Variants in NSD2 observed in about 807,000 individuals in gnomAD.
The protein encoded by NSD2 is nuclear receptor binding SET domain protein 2.
NSD2 carries 12 observed loss-of-function variants against 139.0 expected under a neutral mutation model. That is an observed-to-expected ratio of 0.09 (90% CI 0.06 to 0.14). The LOEUF is 0.14. NSD2 is among the 10% of genes least tolerant of loss of function. The pLI is 1.00. For synonymous variants in NSD2, 669 were observed against 648.7 expected, an observed-to-expected ratio of 1.03 and a Z score of -0.48; for missense variants, 1,155 against 1,745.0, an observed-to-expected ratio of 0.66 and a Z score of 6.02.
chr4:1,885,620 G>A (rs1056923868), intron 1 of NSD2, among the ~76,000 whole-genome samples: 1 of 151,988 alleles, frequency 6.6e-6, no homozygotes, highest in Non-Finnish European at 1.5e-5. Context: ...TCATGCTGGA[G>A]TGTGGAGGCA....
At chr4:1,891,019 G>A (rs899738497) in intron 1 of NSD2, among the ~76,000 whole-genome samples, 9 of 151,800 alleles carry the variant, frequency 5.9e-5, no homozygotes, top group Non-Finnish European at 1.0e-4. Context: ...TCAGCTTCCC[G>A]CGTAGCTAAG....
chr4:1,946,353 C>T lies in NSD2; in HGVS notation c.1882-4719C>T, dbSNP rs187109025. ...CACAATCTCGGCTCACTGCAACCTC[C>T]GCCTCCTTGGTTCCAGCAATTCTTC... On this transcript the variant is annotated intron_variant, in intron 9 of 21. Transcript: ENST00000508803. The T allele has an allele frequency of 9.1e-4, 489 of 534,776 alleles. 2 individuals are homozygous for T. The highest frequency in any genetic ancestry group is 4.7e-3 in the African/African-American group (231 of 48,804). The allele number at this position is 534,776 out of a possible 1,614,324, so 33.1% of individuals were successfully genotyped here.
chr4:1,881,542 C>T (rs1577354108), intron 1 of NSD2, among the ~76,000 whole-genome samples: 2 of 152,160 alleles, frequency 1.3e-5, no homozygotes, highest in South Asian at 2.1e-4. Flanking sequence ...GGATTACAGG[C>T]GTGAGCCACC....
At chr4:1,945,046 A>G (rs1723477643) in intron 9 of NSD2, 1 of 1,065,984 alleles carries the variant, frequency 9.4e-7, no homozygotes, top group Non-Finnish European at 1.1e-6. Flanking sequence ...GTCCTTGGAC[A>G]GGAGTCGGGG....
intron 5 of NSD2, among the ~76,000 whole-genome samples, chr4:1,927,719 G>GAAAAA (rs1177170379): frequency 3.2e-4 from 6 of 18,912 alleles, no homozygotes; most frequent in Admixed American, 7.5e-4. Flanking sequence ...TCTTATCTCA[G>GAAAAA]AAAAAAAAAA....
chr4:1,922,883 G>A (rs936226712), intron 5 of NSD2, among the ~76,000 whole-genome samples: 1 of 152,218 alleles, frequency 6.6e-6, no homozygotes, highest in African/African-American at 2.4e-5. Flanking sequence ...CTGGGATTGT[G>A]CCATTGTACT....
At chr4:1,941,835 G>A (rs913846070) in intron 9 of NSD2, 18 of 1,052,068 alleles carry the variant, frequency 1.7e-5, no homozygotes, top group African/African-American at 5.0e-5. Flanking sequence ...ATATATTAAC[G>A]CGACTGAACT....
intron 18 of NSD2, among the ~76,000 whole-genome samples, chr4:1,968,992 A>C (rs1726160954): frequency 6.6e-6 from 1 of 152,250 alleles, no homozygotes; most frequent in Non-Finnish European, 1.5e-5. Flanking sequence ...AAACTGTGGG[A>C]CAAACAGACC....
intron 1 of NSD2, among the ~76,000 whole-genome samples, chr4:1,883,919 A>G (rs1214826473): frequency 6.6e-6 from 1 of 152,218 alleles, no homozygotes; most frequent in Non-Finnish European, 1.5e-5. Flanking sequence ...ACAGTAGCCT[A>G]GGATAGAGGC....
intron 1 of NSD2, among the ~76,000 whole-genome samples, chr4:1,876,763 T>C (rs1226059944): frequency 6.6e-6 from 1 of 152,090 alleles, no homozygotes; most frequent in African/African-American, 2.4e-5. Flanking sequence ...GCTTTTTTTT[T>C]CTGGAAGGAA....
intron 1 of NSD2, chr4:1,892,635 G>A (rs932514164): frequency 5.9e-5 from 9 of 151,392 alleles, no homozygotes; most frequent in Admixed American, 5.3e-4. Context: ...GCCTGATCTC[G>A]GCTCGGCTCA....
At chr4:1,871,716 T>TGGG (rs1713778067) in intron 1 of NSD2, among the ~76,000 whole-genome samples, 174 bp downstream of exon 1, 1 of 136,764 alleles carries the variant, frequency 7.3e-6, no homozygotes, top group African/African-American at 2.7e-5. Context: ...GCTCAGGGGC[T>TGGG]GGGGGACCGG....
intron 1 of NSD2, among the ~76,000 whole-genome samples, chr4:1,872,653 A>G (rs1458140311): frequency 6.6e-5 from 9 of 135,344 alleles, no homozygotes; most frequent in African/African-American, 2.4e-4. Context: ...GACCCTGTGA[A>G]GACAAGACTA....
intron 8 of NSD2, 160 bp from the exon 9 acceptor site, chr4:1,939,494 T>A (rs1722854146): frequency 7.7e-6 from 6 of 777,428 alleles, no homozygotes; most frequent in Non-Finnish European, 1.2e-5. Context: ...CTGCTTTTGT[T>A]TATGTTCAGA....
At chr4:1,912,046 T>A (rs575606482) in intron 3 of NSD2, 44 of 324,922 alleles carry the variant, frequency 1.4e-4, no homozygotes, top group African/African-American at 9.7e-4. Flanking sequence ...AGTTTTAAAG[T>A]AATGGAAGAA....
chr4:1,908,218 G>A (rs965323011), intron 3 of NSD2, among the ~76,000 whole-genome samples: 15 of 152,172 alleles, frequency 9.9e-5, no homozygotes, highest in African/African-American at 3.1e-4. Context: ...GCTTTCTCAT[G>A]ATCAGACCTA....
In NSD2 at chr4:1,978,838, C is replaced by A. The variant is rs142054662; in HGVS notation, c.4027C>A (p.Pro1343Thr). Reference sequence around the variant, plus strand: ...AAGCACCAAGACTGAGAAGCCCCCCCCAGAGCCAGGGAAGCCGAAGGGGAA... The same window carrying A: ...AAGCACCAAGACTGAGAAGCCCCCCACAGAGCCAGGGAAGCCGAAGGGGAA... ...VRSTKTEKPPPEPGKPKGKRR... is the reference protein window; with the variant it reads ...VRSTKTEKPPTEPGKPKGKRR... Residue 1343 changes from proline to threonine, a missense_variant, in exon 22 of 22, where the codon CCA becomes ACA. By Grantham distance (38) the Pro-to-Thr change is conservative. Around this residue, in one of 8 missense-constraint regions of NSD2, gnomAD observed 132 missense variants for 94.3 expected, o/e 1.40. Transcript: ENST00000508803. 2.5e-6 allele frequency: 4 copies of A among 1,603,636 alleles called. No individual in the cohort carries two copies. Among genetic ancestry groups the A allele is most frequent in the South Asian group, 1.1e-5 (1 of 90,298 alleles).
chr4:1,882,061 TG>T lies in NSD2; in HGVS notation c.-30+10521del, dbSNP rs1714743803. On this transcript the variant is annotated intron_variant, in intron 1 of 21. Transcript: ENST00000508803. Reference sequence around the variant, plus strand: ...TGGTGTGACATGAATCTATTTGCTTTGGAAAGAAGATTCCTCAGATTGCTCT... The same window carrying T: ...TGGTGTGACATGAATCTATTTGCTTTGAAAGAAGATTCCTCAGATTGCTCT... Among the ~76,000 whole-genome samples, 9 of 152,214 alleles carry T rather than the reference TG, an allele frequency of 5.9e-5. No individual in the cohort carries two copies. In the South Asian group the frequency reaches 1.9e-3, roughly 31 times the overall value.
At position 1,978,807 on chromosome 4, in the gene NSD2, G is replaced by T. The variant is rs763368806; in HGVS notation, c.3996G>T (p.Ser1332=). 8 of 1,611,964 alleles carry T rather than the reference G, an allele frequency of 5.0e-6. No individual in the cohort carries two copies. Among genetic ancestry groups the T allele is most frequent in the Non-Finnish European group, 6.8e-6 (8 of 1,178,548 alleles). ...GTGAGCATGACTTAGGGGCGGCATC[G>T]GTCAGAAGCACCAAGACTGAGAAGC... The part of the protein sequence containing the change: ...YCCEHDLGAA[S]VRSTKTEKPP... Residue 1332 remains serine (S), a synonymous_variant, in exon 22 of 22, where the codon TCG becomes TCT. Coordinates refer to ENST00000508803, the MANE Select transcript of NSD2 (RefSeq NM_001042424.3).
Sources: gnomAD v4.1 joint callset for allele counts (sites outside exome capture counted in the v4.1 genomes callset) on GRCh38, gnomAD v4.1.1 for gene constraint, gnomAD v4.1.1 regional missense constraint, MANE v1.5 for transcripts, NCBI Gene and HGNC (gene_info 2026-07-23, HGNC 2026-07-21) for gene names.